Variants in SNTB2 observed in about 807,000 individuals in gnomAD.
The protein encoded by SNTB2 is beta-2-syntrophin.
In SNTB2, 34 loss-of-function variants were observed where a neutral mutation model predicts 46.2. The ratio of observed to expected loss-of-function variants is 0.74; its 90% CI spans 0.56 to 0.98. The LOEUF (loss-of-function observed/expected upper bound fraction) is 0.98. Ranked by LOEUF, SNTB2 falls within the 50% of genes least tolerant of loss-of-function variation. The pLI, the probability that SNTB2 is intolerant of heterozygous loss-of-function variation, is 0.00. For synonymous variants in SNTB2, 290 were observed against 312.6 expected (o/e 0.93, Z 0.76); for missense variants, 603 against 731.4 (o/e 0.82, Z 2.02).
chr16:69,267,271 C>A (rs1290174247), intron 3 of SNTB2, among the ~76,000 whole-genome samples: 2 of 152,146 alleles, frequency 1.3e-5, no homozygotes, highest in African/African-American at 2.4e-5. Context: ...CCTGACTTGG[C>A]CTCCCCAAGT....
rs74589186 is a variant in SNTB2 at position 69,242,729 on chromosome 16, G to A, written c.581-2873G>A. Among the ~76,000 whole-genome samples the A allele has an allele frequency of 4.1e-4, 63 of 152,214 alleles. No homozygotes were observed. In the East Asian group the frequency reaches 0.011, roughly 28 times the overall value. On this transcript the variant is annotated intron_variant, in intron 1 of 6. Transcript: ENST00000336278. ...AAGCCCACCTTCACGTTCAGTAAAAGGGATACGTGAGGCCGGGCATAGTGG... is the reference window on the plus strand; with the variant it reads ...AAGCCCACCTTCACGTTCAGTAAAAAGGATACGTGAGGCCGGGCATAGTGG...
At chr16:69,228,599 G>T (rs894913152) in intron 1 of SNTB2, among the ~76,000 whole-genome samples, 10 of 151,780 alleles carry the variant, frequency 6.6e-5, no homozygotes, top group Admixed American at 5.3e-4. Context: ...TTTGTAATTG[G>T]CAGAACTGGA....
At position 69,220,154 on chromosome 16, in the gene SNTB2, ATTTTTTTT is replaced by A. The variant is rs889068336; in HGVS notation, c.581-25429_581-25422del. Among the ~76,000 whole-genome samples the A allele has an allele frequency of 1.9e-4, 19 of 97,580 alleles. No individual in the cohort carries two copies. The South Asian group carries it at 5.6e-3, about 29-fold the overall frequency. 64.0% of individuals were successfully genotyped at this position (97,580 alleles called of 152,430 possible). A position where few individuals can be genotyped will look rare whatever the true frequency, so the allele number is the denominator to read the frequency against. ...GTATGTTCCAATGCAAGAAAGTCAGATTTTTTTTTTTTTTTTTTTTTTTTTTGAGACAG... is the reference window on the plus strand; with the variant it reads ...GTATGTTCCAATGCAAGAAAGTCAGATTTTTTTTTTTTTTTTTTGAGACAG... On this transcript the variant is annotated intron_variant, in intron 1 of 6. Coordinates refer to ENST00000336278, the MANE Select transcript of SNTB2 (RefSeq NM_006750.4).
intron 2 of SNTB2, among the ~76,000 whole-genome samples, chr16:69,254,988 T>G (rs1022610778): frequency 6.6e-6 from 1 of 152,214 alleles, no homozygotes; most frequent in African/African-American, 2.4e-5. Context: ...ATGACTTCTG[T>G]GTGTAGTCTC....
chr16:69,298,818 G>A (rs575846937), intron 5 of SNTB2, among the ~76,000 whole-genome samples: 2 of 151,650 alleles, frequency 1.3e-5, no homozygotes, highest in Non-Finnish European at 2.9e-5. Flanking sequence ...CACCGTACCC[G>A]GCCAGTATTA....
chr16:69,223,933 A>C (rs1158990242), intron 1 of SNTB2, among the ~76,000 whole-genome samples: 1 of 151,812 alleles, frequency 6.6e-6, no homozygotes, highest in Non-Finnish European at 1.5e-5. Flanking sequence ...CCCGGCCGAC[A>C]GTTCTTCAGT....
intron 2 of SNTB2, among the ~76,000 whole-genome samples, chr16:69,252,203 A>G (rs1456192143): frequency 6.6e-6 from 1 of 152,104 alleles, no homozygotes; most frequent in Admixed American, 6.6e-5. Context: ...ATTTAGTTCC[A>G]TAGAGCTGAG....
intron 1 of SNTB2, among the ~76,000 whole-genome samples, chr16:69,213,822 C>CTTTTTT (rs35759695): frequency 7.6e-5 from 7 of 91,634 alleles, no homozygotes; most frequent in South Asian, 3.6e-4. Context: ...TTTTAGAGTT[C>CTTTTTT]TTTTTTTTTT....
intron 2 of SNTB2, among the ~76,000 whole-genome samples, chr16:69,253,739 G>A (rs761955335): frequency 1.1e-4 from 17 of 152,040 alleles, no homozygotes; most frequent in Non-Finnish European, 2.1e-4. Flanking sequence ...CAGTGGTCCC[G>A]GTATCTACTT....
chr16:69,225,268 A>G (rs1964447870), intron 1 of SNTB2, among the ~76,000 whole-genome samples: 1 of 152,222 alleles, frequency 6.6e-6, no homozygotes, highest in South Asian at 2.1e-4. Flanking sequence ...TGACCCTTTG[A>G]ACACAGCTAT....
intron 4 of SNTB2, among the ~76,000 whole-genome samples, chr16:69,278,055 G>GCCTATTGTCCCC (rs1386864490): frequency 2.6e-5 from 4 of 152,166 alleles, no homozygotes; most frequent in Non-Finnish European, 5.9e-5. Flanking sequence ...GGCGGCACGC[G>GCCTATTGTCCCC]CCTATTGTCC....
intron 2 of SNTB2, among the ~76,000 whole-genome samples, chr16:69,259,720 T>A (rs1964816787): frequency 6.6e-6 from 1 of 150,730 alleles, no homozygotes; most frequent in African/African-American, 2.4e-5. Context: ...TCTCCTGCCT[T>A]AGCCTCAGCT....
chr16:69,256,760 A>G (rs1265957794), intron 2 of SNTB2, among the ~76,000 whole-genome samples: 1 of 152,200 alleles, frequency 6.6e-6, no homozygotes, highest in Non-Finnish European at 1.5e-5. Context: ...GCTATTGTGA[A>G]TGATGCTGCT....
At chr16:69,188,685 C>T (rs936376142) in intron 1 of SNTB2, among the ~76,000 whole-genome samples, 2 of 152,160 alleles carry the variant, frequency 1.3e-5, no homozygotes, top group Admixed American at 1.3e-4. Context: ...AGCTTTCTTT[C>T]ACTGGTGATT....
chr16:69,287,131 G>T (rs1325949264), intron 5 of SNTB2, among the ~76,000 whole-genome samples: 1 of 152,074 alleles, frequency 6.6e-6, no homozygotes. Flanking sequence ...TTGTGGAAGC[G>T]CCCTCTTGTG....
chr16:69,273,505 A>G (rs544460556), intron 4 of SNTB2, among the ~76,000 whole-genome samples: 30 of 152,188 alleles, frequency 2.0e-4, no homozygotes, highest in Non-Finnish European at 4.1e-4. Flanking sequence ...TTTTCCATTT[A>G]TATGGAAAGT....
intron 2 of SNTB2, among the ~76,000 whole-genome samples, chr16:69,249,832 C>T (rs1367006492): frequency 6.6e-6 from 1 of 152,168 alleles, no homozygotes. Context: ...GGTGCAGTGG[C>T]TAACACCTGT....
At chr16:69,292,389 AT>A (rs1251683081) in intron 5 of SNTB2, among the ~76,000 whole-genome samples, 1,218 of 11,328 alleles carry the variant, frequency 0.11, 293 homozygotes, top group African/African-American at 0.29. Flanking sequence ...TTATATATAT[AT>A]TATATATATA....
At chr16:69,213,506 AT>A (rs5817662) in intron 1 of SNTB2, among the ~76,000 whole-genome samples, 49,864 of 148,306 alleles carry the variant, frequency 0.34, 8,750 homozygotes, top group African/African-American at 0.45. Flanking sequence ...TATTCTTCTT[AT>A]TTTTTTTTTT....
Sources: gnomAD v4.1 joint callset for allele counts (sites outside exome capture counted in the v4.1 genomes callset) on GRCh38, gnomAD v4.1.1 for gene constraint, MANE v1.5 for transcripts, NCBI Gene and HGNC (gene_info 2026-07-23, HGNC 2026-07-21) for gene names.